CACNA2D3: variants seen among roughly 807,000 people sequenced by gnomAD.
CACNA2D3 encodes the protein calcium voltage-gated channel auxiliary subunit alpha2delta 3, also known as voltage-dependent calcium channel subunit alpha-2/delta-3.
CACNA2D3 carries 60 observed loss-of-function variants against 160.6 expected under a neutral mutation model. The observed-to-expected ratio is 0.37, with a 90% CI of 0.30 to 0.46. The LOEUF (loss-of-function observed/expected upper bound fraction) is 0.46, where lower values mean the gene tolerates loss of function less well. CACNA2D3 is among the 20% of genes least tolerant of loss of function. The pLI is 1.00. For synonymous variants in CACNA2D3, 558 were observed against 492.9 expected, an observed-to-expected ratio of 1.13 and a Z score of -1.75; for missense variants, 1,205 against 1,365.0, an observed-to-expected ratio of 0.88 and a Z score of 1.85.
chr3:54,472,506 A>G (rs1700751610), intron 4 of CACNA2D3, among the ~76,000 whole-genome samples: 2 of 152,164 alleles, frequency 1.3e-5, no homozygotes, highest in African/African-American at 2.4e-5. Flanking sequence ...CACCACTCCT[A>G]TTCAACATAG....
intron 11 of CACNA2D3, among the ~76,000 whole-genome samples, chr3:54,741,891 A>AT (rs57648639): frequency 1.4e-3 from 203 of 148,574 alleles, no homozygotes; most frequent in Middle Eastern, 3.4e-3. Flanking sequence ...TAATTTATTT[A>AT]TTTTTTTTTT....
intron 4 of CACNA2D3, among the ~76,000 whole-genome samples, chr3:54,432,799 G>A (rs1700008765): frequency 6.6e-6 from 1 of 152,074 alleles, no homozygotes; most frequent in Admixed American, 6.6e-5. Flanking sequence ...AAATGAATAT[G>A]GAGTAAAGGT....
At chr3:54,188,512 G>C (rs1250262760) in intron 2 of CACNA2D3, among the ~76,000 whole-genome samples, 1 of 152,170 alleles carries the variant, frequency 6.6e-6, no homozygotes, top group Admixed American at 6.5e-5. Flanking sequence ...CCTAGGCTAC[G>C]ACACCTCTTG....
At chr3:55,057,073 C>A (rs1398519860) in intron 35 of CACNA2D3, among the ~76,000 whole-genome samples, 2 of 152,036 alleles carry the variant, frequency 1.3e-5, no homozygotes, top group Non-Finnish European at 1.5e-5. Context: ...ATGGGAGGGA[C>A]CCGGTGGGAG....
At chr3:54,362,911 G>A (rs1698766701) in intron 3 of CACNA2D3, among the ~76,000 whole-genome samples, 1 of 152,174 alleles carries the variant, frequency 6.6e-6, no homozygotes, top group African/African-American at 2.4e-5. Flanking sequence ...ATATTACAAT[G>A]TGCAGCCAGA....
intron 2 of CACNA2D3, among the ~76,000 whole-genome samples, chr3:54,196,775 A>T (rs1334085963): frequency 6.6e-6 from 1 of 152,216 alleles, no homozygotes; most frequent in South Asian, 2.1e-4. Context: ...ATTTTTGCAC[A>T]TGGGCTCAAG....
intron 4 of CACNA2D3, among the ~76,000 whole-genome samples, chr3:54,397,533 T>C (rs1345563017): frequency 7.0e-6 from 1 of 143,578 alleles, no homozygotes; most frequent in Non-Finnish European, 1.5e-5. Context: ...TTCTCGTTGG[T>C]TTCAAAGAAC....
At chr3:54,249,687 A>ACACACG (rs1702147427) in intron 2 of CACNA2D3, among the ~76,000 whole-genome samples, 2 of 151,300 alleles carry the variant, frequency 1.3e-5, no homozygotes, top group African/African-American at 4.9e-5. Context: ...ACACACACAC[A>ACACACG]CACACACACA....
At position 54,626,684 on chromosome 3, in the gene CACNA2D3, C is replaced by CAAAAAAA. The variant is rs71096430; in HGVS notation, c.964-1084_964-1078dup. 139 of 318,194 alleles carry CAAAAAAA rather than the reference C, an allele frequency of 4.4e-4. 2 individuals carry two copies. The highest frequency in any genetic ancestry group is 1.5e-3 in the African/African-American group (32 of 21,578). 19.7% of individuals were successfully genotyped at this position (318,194 alleles called of 1,614,324 possible). Reference sequence around the variant, plus strand: ...TAATAAAGGCGCACATGGTTCCAGTCAAAAAAAAAAAAAAAAAAAAAAAAA... The same window carrying CAAAAAAA: ...TAATAAAGGCGCACATGGTTCCAGTCAAAAAAAAAAAAAAAAAAAAAAAAAAAAAAAA... On this transcript the variant is annotated intron_variant, in intron 9 of 37. Coordinates refer to ENST00000474759, the MANE Select transcript of CACNA2D3 (RefSeq NM_018398.3).
At chr3:54,788,596 C>T (rs1158282934) in intron 13 of CACNA2D3, among the ~76,000 whole-genome samples, 1 of 152,192 alleles carries the variant, frequency 6.6e-6, no homozygotes, top group African/African-American at 2.4e-5. Flanking sequence ...TCAGTGACCA[C>T]ACCCCAGAAT....
chr3:54,141,445 G>A (rs1230576489), intron 2 of CACNA2D3, among the ~76,000 whole-genome samples: 2 of 152,158 alleles, frequency 1.3e-5, no homozygotes, highest in Non-Finnish European at 2.9e-5. Context: ...CGAGGCAATG[G>A]TCTATGAAAC....
chr3:54,727,309 G>T (rs913968351), intron 11 of CACNA2D3, among the ~76,000 whole-genome samples: 6 of 152,150 alleles, frequency 3.9e-5, no homozygotes, highest in Admixed American at 6.5e-5. Context: ...ACTGTTGGTG[G>T]GAGTGTAAAT....
At chr3:54,420,709 C>T (rs1045895233) in intron 4 of CACNA2D3, among the ~76,000 whole-genome samples, 30 of 152,210 alleles carry the variant, frequency 2.0e-4, no homozygotes, top group Non-Finnish European at 2.2e-4. Context: ...GCCCCTACTT[C>T]ATAAATGACC....
At chr3:54,750,521 A>G (rs1156345450) in intron 11 of CACNA2D3, among the ~76,000 whole-genome samples, 3 of 152,152 alleles carry the variant, frequency 2.0e-5, no homozygotes, top group Non-Finnish European at 2.9e-5. Context: ...GATCTTCTGT[A>G]TTGACCAAAC....
intron 27 of CACNA2D3, among the ~76,000 whole-genome samples, chr3:54,957,190 G>A (rs996110781): frequency 2.0e-5 from 3 of 150,220 alleles, no homozygotes; most frequent in East Asian, 1.9e-4. Context: ...TAGAGACAGG[G>A]TTTCTGTCCC....
chr3:54,522,672 A>G (rs898302598), intron 5 of CACNA2D3, among the ~76,000 whole-genome samples: 19 of 152,292 alleles, frequency 1.2e-4, no homozygotes, highest in East Asian at 9.7e-4. Context: ...TCATGGCAGG[A>G]GGCTGAAGGG....
chr3:54,215,570 G>A (rs1701445723), intron 2 of CACNA2D3, among the ~76,000 whole-genome samples: 1 of 152,140 alleles, frequency 6.6e-6, no homozygotes. Flanking sequence ...TGTTCTCTGG[G>A]TTTGCCATGC....
At chr3:54,265,557 TATA>T (rs1290495831) in intron 2 of CACNA2D3, among the ~76,000 whole-genome samples, 123 of 80,380 alleles carry the variant, frequency 1.5e-3, no homozygotes, top group African/African-American at 8.3e-3. Flanking sequence ...TGTGTGTGTG[TATA>T]GTGTGTATAT....
intron 25 of CACNA2D3, among the ~76,000 whole-genome samples, chr3:54,895,789 T>C (rs1700174752): frequency 6.6e-6 from 1 of 152,172 alleles, no homozygotes. Context: ...TCAGCCAAGA[T>C]GAGGCGCTTC....
Sources: allele counts gnomAD v4.1 joint callset (sites outside exome capture counted in the v4.1 genomes callset), GRCh38; gene constraint gnomAD v4.1.1; transcripts MANE v1.5; gene names NCBI Gene and HGNC (gene_info 2026-07-23, HGNC 2026-07-21).